CDH18: variants seen among roughly 807,000 people sequenced by gnomAD.
The protein encoded by CDH18 is cadherin 18.
Under a neutral mutation model 67.9 loss-of-function variants are expected in CDH18, and 31 were observed. That is an observed-to-expected ratio of 0.46 (90% CI 0.34 to 0.62). The LOEUF (loss-of-function observed/expected upper bound fraction) is 0.62. Among genes scored for constraint, CDH18 ranks in the 20% least tolerant of loss-of-function variants. The probability of loss-of-function intolerance (pLI) is 0.01; values close to 1 mark genes in which losing one functional copy is unlikely to be tolerated. For synonymous variants in CDH18, 362 were observed against 347.2 expected, an observed-to-expected ratio of 1.04 and a Z score of -0.48; for missense variants, 890 against 975.5, an observed-to-expected ratio of 0.91 and a Z score of 1.17.
intron 2 of CDH18, among the ~76,000 whole-genome samples, chr5:20,149,296 A>T (rs772304852): frequency 1.3e-5 from 2 of 152,166 alleles, no homozygotes; most frequent in African/African-American, 4.8e-5. Context: ...TGCATTTTCC[A>T]TGCCAATAAA....
At chr5:20,573,965 CT>C (rs1172592773) in intron 1 of CDH18, among the ~76,000 whole-genome samples, 38 of 145,738 alleles carry the variant, frequency 2.6e-4, no homozygotes, top group Non-Finnish European at 4.1e-4. Flanking sequence ...TATATATATA[CT>C]TTTTTTAAAC....
Position 19,741,297 on chromosome 5 carries a change from A to G in CDH18, c.523+5645T>C, listed in dbSNP as rs138250243. ...TATATACGTGTATATATACATACAT[A>G]TATGTACATATATACATGTGTATAT... On this transcript the variant is annotated intron_variant, in intron 4 of 12. Coordinates refer to ENST00000382275, the MANE Select transcript of CDH18 (RefSeq NM_004934.5). Among the ~76,000 whole-genome samples the G allele has an allele frequency of 7.8e-3, 1,110 of 142,472 alleles. 11 individuals carry two copies. The highest frequency in any genetic ancestry group is 0.027 in the African/African-American group (1,070 of 39,404). 93.5% of individuals were successfully genotyped at this position (142,472 alleles called of 152,430 possible).
chr5:19,506,118 C>T (rs1744114669), intron 10 of CDH18, among the ~76,000 whole-genome samples: 1 of 140,570 alleles, frequency 7.1e-6, no homozygotes, highest in Non-Finnish European at 1.6e-5. Flanking sequence ...CTTATACACA[C>T]ATAACAGAGA....
At chr5:20,335,358 T>G (rs1455155642) in intron 1 of CDH18, among the ~76,000 whole-genome samples, 1 of 152,206 alleles carries the variant, frequency 6.6e-6, no homozygotes, top group Non-Finnish European at 1.5e-5. Context: ...TGTTATTTCC[T>G]TCAGACTTTT....
intron 3 of CDH18, among the ~76,000 whole-genome samples, chr5:19,803,590 C>G (rs1000524725): frequency 1.6e-4 from 25 of 152,172 alleles, no homozygotes; most frequent in Non-Finnish European, 1.8e-4. Context: ...AGCCTTTTCC[C>G]AGCGAGTAAT....
intron 2 of CDH18, among the ~76,000 whole-genome samples, chr5:19,859,989 G>GGTGGGTGTGTGTGT (rs1554052083): frequency 1.4e-5 from 2 of 143,148 alleles, no homozygotes; most frequent in South Asian, 2.3e-4. Flanking sequence ...GTTTGCTTTG[G>GGTGGGTGTGTGTGT]GTGTGTGTGT....
intron 3 of CDH18, among the ~76,000 whole-genome samples, chr5:19,778,130 C>A (rs1043680148): frequency 6.6e-6 from 1 of 152,112 alleles, no homozygotes; most frequent in African/African-American, 2.4e-5. Context: ...ACACAAAACA[C>A]CTTTGCCAAA....
At chr5:19,611,509 G>C (rs186540255) in intron 6 of CDH18, among the ~76,000 whole-genome samples, 2 of 152,262 alleles carry the variant, frequency 1.3e-5, no homozygotes, top group East Asian at 3.9e-4. Flanking sequence ...GGAGGAGGCA[G>C]TATTCCACAG....
intron 1 of CDH18, among the ~76,000 whole-genome samples, chr5:20,333,579 ATCTT>A (rs1413914153): frequency 2.7e-5 from 4 of 150,712 alleles, no homozygotes; most frequent in African/African-American, 4.9e-5. Flanking sequence ...ATTTATATAT[ATCTT>A]TCATGTTTAT....
chr5:20,333,417 G>A (rs1481957862), intron 1 of CDH18, among the ~76,000 whole-genome samples: 1 of 150,408 alleles, frequency 6.6e-6, no homozygotes, highest in Non-Finnish European at 1.5e-5. Context: ...TGAGGGAGGG[G>A]AATCGCTTGA....
chr5:20,085,650 C>A (rs1053434342), intron 2 of CDH18, among the ~76,000 whole-genome samples: 6 of 152,116 alleles, frequency 3.9e-5, no homozygotes, highest in Non-Finnish European at 2.9e-5. Flanking sequence ...GCTGGGGAAG[C>A]CTCACAATCA....
chr5:19,960,659 A>G (rs1162455812), intron 2 of CDH18, among the ~76,000 whole-genome samples: 1 of 129,498 alleles, frequency 7.7e-6, no homozygotes, highest in Non-Finnish European at 1.5e-5. Flanking sequence ...GTGTATATAT[A>G]TATACACATG....
chr5:19,648,444 A>G (rs1001041707), intron 5 of CDH18, among the ~76,000 whole-genome samples: 5 of 152,036 alleles, frequency 3.3e-5, no homozygotes, highest in Non-Finnish European at 7.4e-5. Context: ...TAATAATAAT[A>G]AAGGGAGGCA....
intron 1 of CDH18, among the ~76,000 whole-genome samples, chr5:20,272,655 T>C (rs1162785114): frequency 6.6e-6 from 1 of 152,008 alleles, no homozygotes; most frequent in Non-Finnish European, 1.5e-5. Context: ...TGTAAAATAT[T>C]TATATTGACA....
chr5:19,634,110 T>G (rs1003347131), intron 5 of CDH18, among the ~76,000 whole-genome samples: 8 of 152,226 alleles, frequency 5.3e-5, no homozygotes, highest in Non-Finnish European at 1.0e-4. Context: ...AAGCTTGTGG[T>G]GGCATGTAGA....
intron 2 of CDH18, among the ~76,000 whole-genome samples, chr5:19,864,983 A>G (rs1240182744): frequency 6.6e-6 from 1 of 152,114 alleles, no homozygotes; most frequent in East Asian, 1.9e-4. Context: ...AGTCTGAAGA[A>G]TTTCCTCCAC....
At chr5:19,796,568 T>C (rs913075893) in intron 3 of CDH18, among the ~76,000 whole-genome samples, 44 of 152,038 alleles carry the variant, frequency 2.9e-4, no homozygotes, top group African/African-American at 9.4e-4. Context: ...ACCTTATTGG[T>C]TGGCTAAAGG....
intron 2 of CDH18, among the ~76,000 whole-genome samples, chr5:19,871,980 G>C (rs751610481): frequency 2.0e-5 from 3 of 152,120 alleles, no homozygotes; most frequent in Non-Finnish European, 4.4e-5. Flanking sequence ...TCTGGTGTTA[G>C]AGAAATCTTG....
intron 1 of CDH18, among the ~76,000 whole-genome samples, chr5:20,327,821 A>T (rs1004695810): frequency 3.3e-5 from 5 of 152,040 alleles, no homozygotes; most frequent in African/African-American, 1.2e-4. Flanking sequence ...GAGGATCACT[A>T]GAGGCCGGGA....
Sources: gnomAD v4.1 joint callset for allele counts (sites outside exome capture counted in the v4.1 genomes callset) on GRCh38, gnomAD v4.1.1 for gene constraint, MANE v1.5 for transcripts, NCBI Gene and HGNC (gene_info 2026-07-23, HGNC 2026-07-21) for gene names.